Variants in ASGR2 observed in about 807,000 individuals in gnomAD.
ASGR2 encodes the protein asialoglycoprotein receptor 2.
ASGR2 carries 34 observed loss-of-function variants against 32.3 expected under a neutral mutation model. The observed-to-expected ratio is 1.05, with a 90% CI of 0.80 to 1.40. ASGR2 has a LOEUF of 1.40. Among genes scored for constraint, ASGR2 ranks in the 40% most tolerant of loss-of-function variants. The probability of loss-of-function intolerance (pLI) is 0.00; values close to 1 mark genes in which losing one functional copy is unlikely to be tolerated. For synonymous variants in ASGR2, 143 were observed against 150.0 expected (o/e 0.95, Z 0.34); for missense variants, 385 against 386.4 (o/e 1.00, Z 0.03).
chr17:7,102,401 G>C (rs187325386), intron 7 of ASGR2, among the ~76,000 whole-genome samples: 1 of 152,120 alleles, frequency 6.6e-6, no homozygotes, highest in African/African-American at 2.4e-5. Flanking sequence ...GCTAGACTTC[G>C]TGCTGTCTGT....
At chr17:7,112,197 G>A (rs1374525506) in intron 2 of ASGR2, among the ~76,000 whole-genome samples, 5 of 149,296 alleles carry the variant, frequency 3.3e-5, no homozygotes, top group Non-Finnish European at 7.4e-5. Flanking sequence ...GTGAGCTGTG[G>A]GACCCTTAAT....
At chr17:7,111,468 A>C (rs887824569) in intron 2 of ASGR2, among the ~76,000 whole-genome samples, 1 of 152,036 alleles carries the variant, frequency 6.6e-6, no homozygotes, top group East Asian at 1.9e-4. Context: ...CATCCTGGCT[A>C]ACATGGTGAA....
At position 7,113,486 on chromosome 17, in the gene ASGR2, ACAAC is replaced by A. The variant is rs1242330888; in HGVS notation, c.124+627_124+630del. 2.0e-5 allele frequency among the ~76,000 whole-genome samples: 3 copies of A among 150,752 alleles called. No homozygotes were observed. Among genetic ancestry groups the A allele is most frequent in the Admixed American group, 1.3e-4 (2 of 15,108 alleles). ...ACATACACTCACACAATACACACAC[ACAAC>A]ACACACACAACATACACAACGTACA... On this transcript the variant is annotated intron_variant, in intron 2 of 8. Transcript: ENST00000691900. This position sits in a 1 kb window ranked among gnomAD's most constrained non-coding sequence, Gnocchi z 5.1.
At chr17:7,101,815 G>T in intron 8 of ASGR2, 75 bp from the exon 9 acceptor site, 3 of 1,548,570 alleles carry the variant, frequency 1.9e-6, no homozygotes, top group South Asian at 1.2e-5. Flanking sequence ...TCCTCTTCAT[G>T]ACCATTTTCC....
chr17:7,102,277 T>C (rs2151700998), intron 7 of ASGR2, 81 bp from the exon 8 acceptor site: 1 of 1,204,318 alleles, frequency 8.3e-7, no homozygotes. Context: ...CTGTGGCCCC[T>C]CTCAGCCTTC....
chr17:7,106,038 C>T (rs969309276), intron 7 of ASGR2, among the ~76,000 whole-genome samples: 1 of 152,090 alleles, frequency 6.6e-6, no homozygotes, highest in African/African-American at 2.4e-5. Flanking sequence ...CCGCCCACCT[C>T]GGCCTCCCAA....
intron 2 of ASGR2, among the ~76,000 whole-genome samples, chr17:7,111,610 C>T (rs562598500): frequency 3.3e-5 from 5 of 149,650 alleles, no homozygotes; most frequent in East Asian, 2.0e-4. Context: ...GAGCCAAGAT[C>T]GCGCCACTGC....
chr17:7,104,703 G>T (rs1023185692), intron 7 of ASGR2, among the ~76,000 whole-genome samples: 1 of 151,340 alleles, frequency 6.6e-6, no homozygotes, highest in African/African-American at 2.4e-5. Context: ...GGGGCCGGGC[G>T]TGGTGGCTCA....
In ASGR2 at chr17:7,108,883, G is replaced by A. The variant is rs781227497; in HGVS notation, c.130C>T (p.Pro44Ser). 4 of 1,576,112 alleles carry A rather than the reference G, an allele frequency of 2.5e-6. No homozygotes were observed. Among genetic ancestry groups the A allele is most frequent in the South Asian group, 1.2e-5 (1 of 86,532 alleles). ...CGCTGTGCCAGGGGCTGGGCAGGAG[G>A]TGGCCCTGTGGGAGAGGGGCATCAG... is the stretch of plus-strand genomic sequence containing the variant. ...RRGNPFLKGP[P>S]PAQPLAQRLC... The change falls in exon 3 of 9, where the codon CCT becomes TCT. Residue 44 changes from proline (P) to serine (S), a missense_variant. Transcript: ENST00000691900. The surrounding 1 kb of genome is among the most constrained non-coding windows in gnomAD (Gnocchi z 4.9).
chr17:7,110,552 G>C (rs1452223840), intron 2 of ASGR2, among the ~76,000 whole-genome samples: 1 of 152,270 alleles, frequency 6.6e-6, no homozygotes, highest in Non-Finnish European at 1.5e-5. Flanking sequence ...TGTGCCTCCA[G>C]GTAGCTCTGA....
chr17:7,109,007 G>A, intron 2 of ASGR2, 119 bp from the exon 3 acceptor site: 1 of 932,836 alleles, frequency 1.1e-6, no homozygotes, highest in South Asian at 1.6e-5. Flanking sequence ...GGGCCATGGG[G>A]GGGGGTCATC....
At position 7,107,692 on chromosome 17, in the gene ASGR2, G is replaced by A; in HGVS notation, c.409+144C>T. 1 of 1,018,342 alleles carries A rather than the reference G, an allele frequency of 9.8e-7. No homozygotes were observed. The highest frequency in any genetic ancestry group is 1.5e-6 in the Non-Finnish European group (1 of 679,392). 63.1% of individuals were successfully genotyped at this position (1,018,342 alleles called of 1,614,324 possible). Reference sequence around the variant, plus strand: ...TGACATATCACACCACACATACGGAGAGAGACACAGATACACATGCTTGCA... The same window carrying A: ...TGACATATCACACCACACATACGGAAAGAGACACAGATACACATGCTTGCA... On this transcript the variant is annotated intron_variant, in intron 5 of 8. Transcript: ENST00000691900. This position sits in a 1 kb window ranked among gnomAD's most constrained non-coding sequence, Gnocchi z 5.0.
chr17:7,107,805 A>G lies in ASGR2; in HGVS notation c.409+31T>C. The G allele has an allele frequency of 6.2e-7, 1 of 1,611,552 alleles. No individual in the cohort carries two copies. The highest frequency in any genetic ancestry group is 1.3e-5 in the African/African-American group (1 of 74,764). On this transcript the variant is annotated intron_variant, in intron 5 of 8. Transcript: ENST00000691900. This position sits in a 1 kb window ranked among gnomAD's most constrained non-coding sequence, Gnocchi z 5.0. ...ACACCGCACACGTACACATGCACGC[A>G]CATGCGCACACACCCCGGAGGCTCT...
chr17:7,114,876 G>C, upstream of ASGR2: 1 of 986,274 alleles, frequency 1.0e-6, no homozygotes. The surrounding 1 kb of genome is among the most constrained non-coding windows in gnomAD (Gnocchi z 4.5). Context: ...GGCAGGGGAC[G>C]GGGCTATCTC....
chr17:7,114,972 G>A, upstream of ASGR2: 3 of 985,678 alleles, frequency 3.0e-6, no homozygotes, highest in Non-Finnish European at 3.6e-6. This position sits in a 1 kb window ranked among gnomAD's most constrained non-coding sequence, Gnocchi z 4.5. Context: ...ATTTGGAAGG[G>A]GTGCCAGGCC....
chr17:7,107,689 GGA>G lies in ASGR2; in HGVS notation c.409+145_409+146del, dbSNP rs527884956. 2 of 999,780 alleles carry G rather than the reference GGA, an allele frequency of 2.0e-6. No homozygotes were observed. Among genetic ancestry groups the G allele is most frequent in the Non-Finnish European group, 3.0e-6 (2 of 663,456 alleles). The allele number at this position is 999,780 out of a possible 1,614,324, so 61.9% of individuals were successfully genotyped here. ...CCATGACATATCACACCACACATAC[GGA>G]GAGAGACACAGATACACATGCTTGC... On this transcript the variant is annotated intron_variant, in intron 5 of 8. Coordinates refer to ENST00000691900, the MANE Select transcript of ASGR2 (RefSeq NM_001201352.2). The surrounding 1 kb of genome is among the most constrained non-coding windows in gnomAD (Gnocchi z 5.0).
intron 7 of ASGR2, among the ~76,000 whole-genome samples, chr17:7,106,460 G>T (rs1362599388): frequency 6.6e-6 from 1 of 152,178 alleles, no homozygotes; most frequent in Non-Finnish European, 1.5e-5. Flanking sequence ...CAAAACTGAT[G>T]AAATGTTGGC....
chr17:7,102,275 CCT>C (rs1912954085), intron 7 of ASGR2, 79 bp from the exon 8 acceptor site: 2 of 1,219,008 alleles, frequency 1.6e-6, no homozygotes, highest in Non-Finnish European at 2.4e-6. Context: ...AACTGTGGCC[CCT>C]CTCAGCCTTC....
rs753681312 is a variant in ASGR2 at position 7,102,077 on chromosome 17, A to G, written c.755+13T>C. The G allele has an allele frequency of 2.0e-5, 32 of 1,607,642 alleles. No individual in the cohort carries two copies. Among genetic ancestry groups the G allele is most frequent in the Non-Finnish European group, 2.6e-5 (31 of 1,174,174 alleles). The stretch of plus-strand genomic sequence containing the variant: ...AGAAATCTAACAAGGAGATGAGGGA[A>G]GAGGCCACTTACTTGTAGTTGTGCC... On this transcript the variant is annotated intron_variant, in intron 8 of 8. Coordinates refer to ENST00000691900, the MANE Select transcript of ASGR2 (RefSeq NM_001201352.2).
Sources: gnomAD v4.1 joint callset for allele counts (sites outside exome capture counted in the v4.1 genomes callset) on GRCh38, gnomAD v4.1.1 for gene constraint, Gnocchi (gnomAD v3.1) non-coding constraint, MANE v1.5 for transcripts, NCBI Gene and HGNC (gene_info 2026-07-23, HGNC 2026-07-21) for gene names.